Variants in MAGI2 observed in about 807,000 individuals in gnomAD.
MAGI2 encodes membrane-associated guanylate kinase, WW and PDZ domain-containing protein 2.
MAGI2 carries 35 observed loss-of-function variants against 133.3 expected under a neutral mutation model. The observed-to-expected ratio is 0.26, with a 90% CI of 0.20 to 0.35. The LOEUF is 0.35. MAGI2 is among the 10% of genes least tolerant of loss of function. The pLI is 1.00. For synonymous variants in MAGI2, 729 were observed against 710.6 expected, an observed-to-expected ratio of 1.03 and a Z score of -0.41; for missense variants, 1,636 against 1,863.4, an observed-to-expected ratio of 0.88 and a Z score of 2.25.
At chr7:78,264,967 A>G (rs1454366669) in intron 9 of MAGI2, among the ~76,000 whole-genome samples, 1 of 152,224 alleles carries the variant, frequency 6.6e-6, no homozygotes, top group African/African-American at 2.4e-5. Context: ...TATAGGCAGA[A>G]GGATACTAAG....
chr7:79,187,944 C>T (rs1827309896), intron 1 of MAGI2, among the ~76,000 whole-genome samples: 1 of 151,690 alleles, frequency 6.6e-6, no homozygotes, highest in South Asian at 2.1e-4. Flanking sequence ...TATACACATG[C>T]AGAAATACAA....
At chr7:78,486,212 G>A (rs1050494975) in intron 6 of MAGI2, 1 of 152,066 alleles carries the variant, frequency 6.6e-6, no homozygotes, top group Non-Finnish European at 1.5e-5. Context: ...CCTGACATTT[G>A]TCAATTCTGG....
Position 79,403,062 on chromosome 7 carries a change from A to C in MAGI2, c.301+49958T>G, listed in dbSNP as rs1465521205. 3.3e-5 allele frequency among the ~76,000 whole-genome samples: 5 copies of C among 152,338 alleles called. No individual in the cohort carries two copies. In the East Asian group the frequency reaches 7.7e-4, roughly 24 times the overall value. ...ATATAAAGTGCTTAGAACAGTGCCT[A>C]ACACACAGACACACACTCACTCATC... On this transcript the variant is annotated intron_variant, in intron 1 of 21. Transcript: ENST00000354212.
chr7:79,317,860 G>T (rs1838862497), intron 1 of MAGI2, among the ~76,000 whole-genome samples: 1 of 152,122 alleles, frequency 6.6e-6, no homozygotes, highest in African/African-American at 2.4e-5. Context: ...ACTGGAATGT[G>T]CCTGGTTTCA....
At chr7:78,484,379 T>C (rs1278050035) in intron 6 of MAGI2, 1 of 151,608 alleles carries the variant, frequency 6.6e-6, no homozygotes, top group Admixed American at 6.6e-5. Flanking sequence ...CTAATTGAAA[T>C]GCACTACTCA....
intron 3 of MAGI2, among the ~76,000 whole-genome samples, chr7:78,590,538 A>G (rs926337660): frequency 1.3e-5 from 2 of 152,358 alleles, no homozygotes; most frequent in East Asian, 3.9e-4. Flanking sequence ...AACCTAAAAC[A>G]TAAAAGGGAA....
At chr7:78,739,769 C>T (rs991275025) in intron 2 of MAGI2, among the ~76,000 whole-genome samples, 11 of 152,090 alleles carry the variant, frequency 7.2e-5, no homozygotes, top group Non-Finnish European at 1.3e-4. Context: ...TTTTAATAGG[C>T]GCCGCAAATC....
At chr7:79,180,002 G>A (rs942179132) in intron 1 of MAGI2, among the ~76,000 whole-genome samples, 10 of 152,052 alleles carry the variant, frequency 6.6e-5, no homozygotes, top group Admixed American at 1.3e-4. Flanking sequence ...TTGAATGGAA[G>A]AAAATATTTC....
intron 7 of MAGI2, 69 bp from the exon 8 acceptor site, chr7:78,346,112 C>G (rs965439285): frequency 2.4e-5 from 37 of 1,563,648 alleles, no homozygotes; most frequent in African/African-American, 5.5e-5. Context: ...ATGTATGGCT[C>G]TATGGAGAGC....
At chr7:79,431,256 T>A (rs553358251) in intron 1 of MAGI2, among the ~76,000 whole-genome samples, 1 of 152,340 alleles carries the variant, frequency 6.6e-6, no homozygotes, top group Non-Finnish European at 1.5e-5. Context: ...GCAATATTTA[T>A]AATCTACCTG....
At chr7:78,495,026 A>G (rs1793957380) in intron 5 of MAGI2, among the ~76,000 whole-genome samples, 1 of 152,200 alleles carries the variant, frequency 6.6e-6, no homozygotes, top group Admixed American at 6.5e-5. Flanking sequence ...GCAACTCAAA[A>G]TGTCTGTGGA....
At position 79,121,942 on chromosome 7, in the gene MAGI2, C is replaced by T. The variant is rs563273420; in HGVS notation, c.302-114736G>A. ...TATTTCACATTCGATAATATAAAGT[C>T]ATCCTACTTTCTCTTTCATACTTTC... On this transcript the variant is annotated intron_variant, in intron 1 of 21. Transcript: ENST00000354212. Among the ~76,000 whole-genome samples the T allele has an allele frequency of 5.5e-3, 834 of 152,236 alleles. 4 individuals carry two copies. The highest frequency in any genetic ancestry group is 8.4e-3 in the Non-Finnish European group (574 of 67,998).
At chr7:78,733,253 A>C (rs1225638041) in intron 2 of MAGI2, among the ~76,000 whole-genome samples, 1 of 152,180 alleles carries the variant, frequency 6.6e-6, no homozygotes, top group East Asian at 1.9e-4. Context: ...ATAACTGCAA[A>C]ATATCGTAGA....
chr7:79,413,938 T>C (rs1846316414), intron 1 of MAGI2: 1 of 152,148 alleles, frequency 6.6e-6, no homozygotes, highest in Non-Finnish European at 1.5e-5. Context: ...TTGCCATTGG[T>C]GATACAAAGG....
At chr7:79,337,913 T>C (rs1222614447) in intron 1 of MAGI2, among the ~76,000 whole-genome samples, 1 of 152,096 alleles carries the variant, frequency 6.6e-6, no homozygotes, top group Non-Finnish European at 1.5e-5. Context: ...ATTGCCACCA[T>C]GCTGAGCTGC....
chr7:79,263,641 A>G (rs1020751045), intron 1 of MAGI2, among the ~76,000 whole-genome samples: 1 of 152,148 alleles, frequency 6.6e-6, no homozygotes, highest in Admixed American at 6.6e-5. Context: ...TGGAATATAA[A>G]TACTTGACCC....
intron 1 of MAGI2, among the ~76,000 whole-genome samples, chr7:79,289,251 G>T (rs941988357): frequency 4.6e-5 from 7 of 152,078 alleles, no homozygotes; most frequent in African/African-American, 1.4e-4. Context: ...ATTAAGCTCT[G>T]CTTTGTTCTT....
At position 78,192,473 on chromosome 7, in the gene MAGI2, T is replaced by C. The variant is rs143484991; in HGVS notation, c.2269+2401A>G. Among the ~76,000 whole-genome samples the C allele has an allele frequency of 3.7e-3, 563 of 151,076 alleles. 2 individuals carry two copies. Among genetic ancestry groups the C allele is most frequent in the African/African-American group, 0.013 (538 of 41,190 alleles). On this transcript the variant is annotated intron_variant, in intron 12 of 21. Coordinates refer to ENST00000354212, the MANE Select transcript of MAGI2 (RefSeq NM_012301.4). ...TTTAGTACTGCTTTAAACATTTACA[T>C]GAGAAAATAAAACTTGGAAATGGAA...
At chr7:79,025,452 A>G (rs1809791126) in intron 1 of MAGI2, among the ~76,000 whole-genome samples, 1 of 152,186 alleles carries the variant, frequency 6.6e-6, no homozygotes, top group African/African-American at 2.4e-5. Flanking sequence ...CTCCTGTGAC[A>G]TGCAATTTAC....
Sources: allele counts gnomAD v4.1 joint callset (sites outside exome capture counted in the v4.1 genomes callset), GRCh38; gene constraint gnomAD v4.1.1; transcripts MANE v1.5; gene names NCBI Gene and HGNC (gene_info 2026-07-23, HGNC 2026-07-21).